Variants in ABCA13 observed in about 807,000 individuals in gnomAD.
ABCA13 encodes the protein ATP-binding cassette sub-family A member 13.
Under a neutral mutation model 478.7 loss-of-function variants are expected in ABCA13, and 476 were observed. The observed-to-expected ratio is 0.99, with a 90% CI of 0.92 to 1.07. ABCA13 has a LOEUF of 1.07. Among genes scored for constraint, ABCA13 ranks in the 50% least tolerant of loss-of-function variants. The probability of loss-of-function intolerance (pLI) is 0.00; values close to 1 mark genes in which losing one functional copy is unlikely to be tolerated. For synonymous variants in ABCA13, 2,252 were observed against 2,158.9 expected (o/e 1.04, Z -1.20); for missense variants, 6,060 against 5,910.6 (o/e 1.03, Z -0.83).
At chr7:48,632,784 T>C (rs762769481) in intron 59 of ABCA13, among the ~76,000 whole-genome samples, 1 of 152,190 alleles carries the variant, frequency 6.6e-6, no homozygotes, top group Admixed American at 6.5e-5. Context: ...TTGGTGTATG[T>C]GCTTGGCTGA....
At chr7:48,245,470 A>T (rs1243753839) in intron 11 of ABCA13, 42 bp from the exon 12 acceptor site, 6 of 1,507,480 alleles carry the variant, frequency 4.0e-6, no homozygotes, top group Non-Finnish European at 5.4e-6. Context: ...AGTCAAGCTT[A>T]CTTACCTTAG....
intron 10 of ABCA13, among the ~76,000 whole-genome samples, chr7:48,243,933 G>A (rs539140436): frequency 2.0e-5 from 3 of 152,200 alleles, no homozygotes; most frequent in Non-Finnish European, 2.9e-5. Context: ...CAGTTCTGCT[G>A]CCCACAGTGT....
At chr7:48,253,315 A>G (rs1315035932) in intron 15 of ABCA13, among the ~76,000 whole-genome samples, 1 of 152,220 alleles carries the variant, frequency 6.6e-6, no homozygotes. Flanking sequence ...TCACTTCGGC[A>G]GCCCCTAGGC....
intron 48 of ABCA13, among the ~76,000 whole-genome samples, chr7:48,493,466 A>G (rs1830015986): frequency 6.6e-6 from 1 of 152,208 alleles, no homozygotes; most frequent in East Asian, 1.9e-4. Context: ...ACAGAAGATT[A>G]AATAGAAGTG....
intron 23 of ABCA13, 64 bp from the exon 24 acceptor site, chr7:48,309,883 C>G (rs1366150823): frequency 3.8e-6 from 6 of 1,577,584 alleles, no homozygotes; most frequent in Non-Finnish European, 4.3e-6. Context: ...AAGCTCCGGT[C>G]TGAGGTGGTG....
At chr7:48,257,249 C>T (rs907528139) in intron 15 of ABCA13, among the ~76,000 whole-genome samples, 2 of 151,818 alleles carry the variant, frequency 1.3e-5, no homozygotes, top group Non-Finnish European at 2.9e-5. Context: ...TAAAACTATC[C>T]CTGTTTGGAG....
At chr7:48,430,067 T>C (rs1821936159) in intron 42 of ABCA13, among the ~76,000 whole-genome samples, 1 of 152,172 alleles carries the variant, frequency 6.6e-6, no homozygotes, top group Non-Finnish European at 1.5e-5. Flanking sequence ...TGAGAGGTGA[T>C]CCCTTCTCTT....
chr7:48,593,058 T>A (rs1337070925), intron 57 of ABCA13, among the ~76,000 whole-genome samples: 1 of 152,060 alleles, frequency 6.6e-6, no homozygotes, highest in Non-Finnish European at 1.5e-5. Flanking sequence ...ATGCTGTCTA[T>A]TTACATTTAA....
intron 55 of ABCA13, among the ~76,000 whole-genome samples, chr7:48,543,361 C>A (rs34252471): frequency 1.3e-5 from 2 of 151,530 alleles, no homozygotes; most frequent in Admixed American, 6.6e-5. Flanking sequence ...CGGTGGCTCA[C>A]GCCTGTAATC....
intron 55 of ABCA13, among the ~76,000 whole-genome samples, chr7:48,548,139 T>G (rs1192114525): frequency 6.6e-6 from 1 of 152,094 alleles, no homozygotes; most frequent in African/African-American, 2.4e-5. Context: ...TGCTAACTGC[T>G]CATACACAGC....
intron 42 of ABCA13, among the ~76,000 whole-genome samples, chr7:48,432,647 G>T (rs754076950): frequency 6.6e-6 from 1 of 152,062 alleles, no homozygotes; most frequent in African/African-American, 2.4e-5. Flanking sequence ...TCTTAAAAAA[G>T]AAGCAAATTC....
intron 10 of ABCA13, among the ~76,000 whole-genome samples, chr7:48,243,822 C>T (rs1399526383): frequency 6.6e-6 from 1 of 152,218 alleles, no homozygotes; most frequent in African/African-American, 2.4e-5. Flanking sequence ...AGCTACATCT[C>T]TTTCTGCTTT....
chr7:48,412,063 A>C (rs923029910), intron 40 of ABCA13, among the ~76,000 whole-genome samples: 1 of 152,170 alleles, frequency 6.6e-6, no homozygotes, highest in Non-Finnish European at 1.5e-5. Flanking sequence ...CACTTCATGA[A>C]TACAAACCTC....
intron 59 of ABCA13, among the ~76,000 whole-genome samples, chr7:48,630,231 G>A (rs1320505566): frequency 6.6e-6 from 1 of 151,942 alleles, no homozygotes; most frequent in Non-Finnish European, 1.5e-5. Flanking sequence ...ATGTCATGGG[G>A]GTTTGGTGTA....
At chr7:48,328,043 C>T (rs568865392) in intron 27 of ABCA13, among the ~76,000 whole-genome samples, 12 of 152,278 alleles carry the variant, frequency 7.9e-5, no homozygotes, top group Middle Eastern at 3.4e-3. Flanking sequence ...TGTCATTAAA[C>T]GGACACAAAG....
intron 39 of ABCA13, among the ~76,000 whole-genome samples, chr7:48,404,995 T>G (rs1818076328): frequency 1.3e-5 from 2 of 152,236 alleles, no homozygotes; most frequent in Non-Finnish European, 2.9e-5. Flanking sequence ...AGGCCACATC[T>G]GCGGTGCTGG....
chr7:48,203,533 T>G (rs1233118534), intron 3 of ABCA13, among the ~76,000 whole-genome samples: 1 of 152,226 alleles, frequency 6.6e-6, no homozygotes, highest in African/African-American at 2.4e-5. Flanking sequence ...TGGGCAGAAA[T>G]CCTGGGTACC....
chr7:48,588,031 G>A (rs1789361315), intron 57 of ABCA13, among the ~76,000 whole-genome samples: 2 of 152,206 alleles, frequency 1.3e-5, no homozygotes, highest in Non-Finnish European at 2.9e-5. Flanking sequence ...GTCAAAAAGT[G>A]TGGAAAACAA....
chr7:48,512,857 G>T lies in ABCA13; in HGVS notation c.13640+1658G>T, dbSNP rs527331465. Among the ~76,000 whole-genome samples the T allele has an allele frequency of 3.3e-5, 5 of 152,314 alleles. No individual in the cohort carries two copies. The East Asian group carries it at 9.7e-4, about 29-fold the overall frequency. On this transcript the variant is annotated intron_variant, in intron 51 of 61. Transcript: ENST00000435803. ...ATAGGGGTTACACGCTTCTGGTTAA[G>T]AACTCTTAGGTTGCAGAGACTGGAA... is the stretch of plus-strand genomic sequence containing the variant.
Sources: gnomAD v4.1 joint callset for allele counts (sites outside exome capture counted in the v4.1 genomes callset) on GRCh38, gnomAD v4.1.1 for gene constraint, MANE v1.5 for transcripts, NCBI Gene and HGNC (gene_info 2026-07-23, HGNC 2026-07-21) for gene names.